Variants in DRC8 observed in about 807,000 individuals in gnomAD.
DRC8 encodes dynein regulatory complex protein 8.
At chr1:245,088,943 A>G in the DRC8 span, among the ~76,000 whole-genome samples, 1 of 152,220 alleles carries the variant, frequency 6.6e-6, no homozygotes, top group Admixed American at 6.5e-5. The surrounding 1 kb of genome is among the most constrained non-coding windows in gnomAD (Gnocchi z 4.6). Context: ...GAGCGGTATC[A>G]TTAAGGATAT....
the DRC8 span, among the ~76,000 whole-genome samples, chr1:245,093,708 AAAAAG>A: frequency 0.019 from 2,934 of 151,586 alleles, 86 homozygotes; most frequent in African/African-American, 0.062. Context: ...AAAAAAAAAA[AAAAAG>A]AAAGAAAAAG....
the DRC8 span, among the ~76,000 whole-genome samples, chr1:245,092,665 T>A: frequency 6.6e-6 from 1 of 152,252 alleles, no homozygotes; most frequent in Non-Finnish European, 1.5e-5. Flanking sequence ...CTTATATTTT[T>A]AATATTCTCA....
At chr1:244,990,118 G>A in the DRC8 span, among the ~76,000 whole-genome samples, 1 of 152,302 alleles carries the variant, frequency 6.6e-6, no homozygotes, top group South Asian at 2.1e-4. Context: ...CTTCCTTTTG[G>A]TGTATCATCA....
At chr1:245,080,797 C>T in the DRC8 span, among the ~76,000 whole-genome samples, 3 of 152,194 alleles carry the variant, frequency 2.0e-5, no homozygotes, top group Non-Finnish European at 4.4e-5. Flanking sequence ...TCTATGAGAC[C>T]GTCACTGATT....
At chr1:245,115,867 A>C in the DRC8 span, among the ~76,000 whole-genome samples, 9 of 148,878 alleles carry the variant, frequency 6.0e-5, no homozygotes, top group African/African-American at 2.0e-4. Flanking sequence ...CAGCTTGGGC[A>C]ACAGAGTGAG....
the DRC8 span, among the ~76,000 whole-genome samples, chr1:245,063,118 C>T: frequency 1.3e-5 from 2 of 152,152 alleles, no homozygotes; most frequent in Non-Finnish European, 2.9e-5. Context: ...AGTCTTCTGA[C>T]TCATTAGATG....
At chr1:244,999,063 A>G in the DRC8 span, among the ~76,000 whole-genome samples, 56 of 122,490 alleles carry the variant, frequency 4.6e-4, no homozygotes, top group African/African-American at 2.8e-3. Flanking sequence ...TGGGTCAAAA[A>G]AAAAAAAAAA....
At chr1:245,062,596 C>T in the DRC8 span, among the ~76,000 whole-genome samples, 1 of 152,162 alleles carries the variant, frequency 6.6e-6, no homozygotes, top group Non-Finnish European at 1.5e-5. Context: ...CAACTAATTA[C>T]AAAGGAAAAC....
At chr1:245,015,721 AAAAAG>A in the DRC8 span, 91 of 288,062 alleles carry the variant, frequency 3.2e-4, no homozygotes, top group East Asian at 9.2e-4. Flanking sequence ...AAAAAAAAAA[AAAAAG>A]AAAGAAAGAA....
At chr1:244,970,744 C>A in the DRC8 span, 2 of 457,600 alleles carry the variant, frequency 4.4e-6, no homozygotes, top group East Asian at 3.7e-5. Flanking sequence ...TCTCCTCCCG[C>A]CCTCTTCACC....
the DRC8 span, among the ~76,000 whole-genome samples, chr1:245,033,260 T>C: frequency 6.6e-6 from 1 of 152,174 alleles, no homozygotes; most frequent in Non-Finnish European, 1.5e-5. Context: ...GGGTAGCTTA[T>C]GGGCCTTAGC....
chr1:245,038,436 C>T, the DRC8 span, among the ~76,000 whole-genome samples: 1 of 152,084 alleles, frequency 6.6e-6, no homozygotes, highest in Admixed American at 6.5e-5. Flanking sequence ...TGCCACTGCA[C>T]TCCAGCCTGG....
the DRC8 span, among the ~76,000 whole-genome samples, chr1:245,099,103 G>T: frequency 6.6e-6 from 1 of 152,188 alleles, no homozygotes; most frequent in Non-Finnish European, 1.5e-5. Flanking sequence ...AGGCCTGGGG[G>T]TTTATGTGGT....
chr1:245,071,083 T>A, the DRC8 span, among the ~76,000 whole-genome samples: 7 of 152,230 alleles, frequency 4.6e-5, no homozygotes, highest in East Asian at 1.3e-3. Context: ...CTGTTAGGTA[T>A]GCTGTTTATA....
the DRC8 span, among the ~76,000 whole-genome samples, chr1:245,081,337 A>G: frequency 6.6e-6 from 1 of 151,250 alleles, no homozygotes; most frequent in Non-Finnish European, 1.5e-5. Flanking sequence ...AATTTTTTGT[A>G]GTTTTAGTAG....
At chr1:245,085,205 A>C in the DRC8 span, among the ~76,000 whole-genome samples, 2 of 152,228 alleles carry the variant, frequency 1.3e-5, no homozygotes, top group African/African-American at 4.8e-5. Context: ...AATACAAGAC[A>C]ATAGAAAGCT....
the DRC8 span, among the ~76,000 whole-genome samples, chr1:245,118,971 A>G: frequency 6.6e-6 from 1 of 152,142 alleles, no homozygotes; most frequent in African/African-American, 2.4e-5. Flanking sequence ...CTCATTCTTG[A>G]TGATGGGGCA....
At chr1:245,057,296 T>C in the DRC8 span, among the ~76,000 whole-genome samples, 1 of 152,214 alleles carries the variant, frequency 6.6e-6, no homozygotes. Flanking sequence ...GCAAAAGTAA[T>C]TGCAGTTTTT....
chr1:245,009,261 C>T, the DRC8 span, among the ~76,000 whole-genome samples: 1 of 151,750 alleles, frequency 6.6e-6, no homozygotes, highest in South Asian at 2.1e-4. Flanking sequence ...TCTCGAACTC[C>T]TGACCTTGTG....
Sources: gnomAD v4.1 joint callset for allele counts (sites outside exome capture counted in the v4.1 genomes callset) on GRCh38, gnomAD v4.1.1 for gene constraint, Gnocchi (gnomAD v3.1) non-coding constraint, MANE v1.5 for transcripts, NCBI Gene and HGNC (gene_info 2026-07-23, HGNC 2026-07-21) for gene names.